SH3D19: variants seen among roughly 807,000 people sequenced by gnomAD.
SH3D19 encodes the protein SH3 domain-containing protein 19.
Under a neutral mutation model 112.1 loss-of-function variants are expected in SH3D19, and 58 were observed. The ratio of observed to expected loss-of-function variants is 0.52; its 90% CI spans 0.42 to 0.64. The LOEUF is 0.64. Ranked by LOEUF, SH3D19 falls within the 30% of genes least tolerant of loss-of-function variation. The pLI is 0.00. For synonymous variants in SH3D19, 391 were observed against 448.5 expected, an observed-to-expected ratio of 0.87 and a Z score of 1.62; for missense variants, 1,090 against 1,263.4, an observed-to-expected ratio of 0.86 and a Z score of 2.08.
At chr4:151,146,551 T>C (rs1753953941) in intron 11 of SH3D19, among the ~76,000 whole-genome samples, 1 of 151,200 alleles carries the variant, frequency 6.6e-6, no homozygotes, top group Non-Finnish European at 1.5e-5. Context: ...TTTTGTTTTT[T>C]TGAGATGGAG....
At chr4:151,225,986 C>T in intron 2 of SH3D19, 61 bp downstream of exon 2, 1 of 1,146,782 alleles carries the variant, frequency 8.7e-7, no homozygotes, top group East Asian at 3.2e-5. Flanking sequence ...ACATTGCTTC[C>T]AAACAATACT....
At chr4:151,279,062 C>A (rs1773922323) in intron 1 of SH3D19, 1 of 396,390 alleles carries the variant, frequency 2.5e-6, no homozygotes, top group Non-Finnish European at 4.8e-6. Context: ...TCAGTATCCA[C>A]CTCTCACTGA....
At chr4:151,272,212 TAAAC>T (rs898895881) in intron 1 of SH3D19, among the ~76,000 whole-genome samples, 12 of 152,202 alleles carry the variant, frequency 7.9e-5, no homozygotes, top group Non-Finnish European at 1.5e-4. Context: ...AATACGGTGA[TAAAC>T]AAGCAATGCA....
At chr4:151,233,829 G>A (rs111837147) in intron 1 of SH3D19, among the ~76,000 whole-genome samples, 5 of 152,278 alleles carry the variant, frequency 3.3e-5, no homozygotes, top group African/African-American at 1.2e-4. Context: ...CTGTTTATAA[G>A]GTTTTGAGCA....
At chr4:151,194,728 T>C (rs1157454028) in intron 2 of SH3D19, among the ~76,000 whole-genome samples, 2 of 88,656 alleles carry the variant, frequency 2.3e-5, no homozygotes, top group Non-Finnish European at 6.8e-5. Context: ...ACTTTTGTCC[T>C]ATTAGCTGAT....
At chr4:151,221,160 T>C (rs1482481190) in intron 2 of SH3D19, among the ~76,000 whole-genome samples, 1 of 152,178 alleles carries the variant, frequency 6.6e-6, no homozygotes, top group African/African-American at 2.4e-5. Context: ...CAGGCAGACG[T>C]CCCAGATTTA....
chr4:151,128,508 G>T, intron 17 of SH3D19, 152 bp from the exon 18 acceptor site: 2 of 504,330 alleles, frequency 4.0e-6, no homozygotes, highest in Middle Eastern at 4.9e-4. Flanking sequence ...ACTTTATGTT[G>T]CTATCAAGTT....
rs750717014 is a variant in SH3D19, at chr4:151,159,293, T to G, written c.1702A>C (p.Thr568Pro). Residue 568 changes from threonine (T) to proline (P), a missense_variant, in exon 9 of 20, where the codon ACT becomes CCT. Transcript: ENST00000604030. ...AGCTTTCCAGATACTGTACTGAAAG[T>G]GTTTCCAATAGGTTTTTCAGCAGGG... ...PLPAEKPIGN[T>P]FSTVSGKLSN... 2 of 1,577,186 alleles carry G rather than the reference T, an allele frequency of 1.3e-6. No individual in the cohort carries two copies. Among genetic ancestry groups the G allele is most frequent in the Non-Finnish European group, 1.7e-6 (2 of 1,168,002 alleles).
In SH3D19 at chr4:151,208,519, C is replaced by T. The variant is rs112421745; in HGVS notation, c.152+17528G>A. 4.6e-3 allele frequency among the ~76,000 whole-genome samples: 707 copies of T among 152,100 alleles called. 3 individuals are homozygous for T. The highest frequency in any genetic ancestry group is 8.1e-3 in the Non-Finnish European group (551 of 67,982). On this transcript the variant is annotated intron_variant, in intron 2 of 19. Coordinates refer to ENST00000604030, the MANE Select transcript of SH3D19 (RefSeq NM_001378122.1). Reference sequence around the variant, plus strand: ...CTAGGTAGCTGGGATTACAGGCATGCGGCACGAAACCTGGCTAGTTTTTTG... The same window carrying T: ...CTAGGTAGCTGGGATTACAGGCATGTGGCACGAAACCTGGCTAGTTTTTTG...
At chr4:151,180,411 C>CTTT (rs367719721) in intron 3 of SH3D19, among the ~76,000 whole-genome samples, 21 of 130,744 alleles carry the variant, frequency 1.6e-4, no homozygotes, top group South Asian at 4.8e-4. Flanking sequence ...ATTTTTTTTT[C>CTTT]TTTTTTTTTT....
At chr4:151,229,135 G>C (rs1030526110) in intron 1 of SH3D19, among the ~76,000 whole-genome samples, 2 of 150,960 alleles carry the variant, frequency 1.3e-5, no homozygotes, top group Non-Finnish European at 2.9e-5. Flanking sequence ...GCCTCCCAAA[G>C]TGTTGGGATT....
chr4:151,133,023 T>C lies in SH3D19; in HGVS notation c.2689+11A>G. The C allele has an allele frequency of 6.2e-7, 1 of 1,610,070 alleles. No individual in the cohort carries two copies. The highest frequency in any genetic ancestry group is 8.5e-7 in the Non-Finnish European group (1 of 1,177,624). On this transcript the variant is annotated intron_variant, in intron 16 of 19. Coordinates refer to ENST00000604030, the MANE Select transcript of SH3D19 (RefSeq NM_001378122.1). ...GGACATAACATAATAAAAAAAATTC[T>C]CTATACTCACTTAAAACATTTGCAC...
At chr4:151,139,295 G>A (rs1244881521) in intron 13 of SH3D19, among the ~76,000 whole-genome samples, 1 of 151,718 alleles carries the variant, frequency 6.6e-6, no homozygotes, top group Non-Finnish European at 1.5e-5. Context: ...CTGGACTACA[G>A]GCGCCCGCCA....
At chr4:151,278,206 T>C (rs969940528) in intron 1 of SH3D19, among the ~76,000 whole-genome samples, 1 of 152,168 alleles carries the variant, frequency 6.6e-6, no homozygotes, top group Non-Finnish European at 1.5e-5. Flanking sequence ...ATTTATAAAC[T>C]AACATACTTC....
chr4:151,134,980 C>CCT, intron 15 of SH3D19, 94 bp downstream of exon 15: 4 of 1,020,556 alleles, frequency 3.9e-6, no homozygotes, highest in Non-Finnish European at 5.9e-6. Flanking sequence ...AGCCACCATG[C>CCT]CTGGCCTTGG....
intron 2 of SH3D19, among the ~76,000 whole-genome samples, chr4:151,207,817 C>A (rs1180675671): frequency 1.3e-5 from 2 of 152,180 alleles, no homozygotes; most frequent in Non-Finnish European, 2.9e-5. Flanking sequence ...TGAGAGAATT[C>A]TTTAGGACAA....
chr4:151,316,599 A>AT (rs964495595), intron 1 of SH3D19, among the ~76,000 whole-genome samples: 13 of 151,392 alleles, frequency 8.6e-5, no homozygotes, highest in Admixed American at 2.0e-4. Context: ...TTCTTAATTC[A>AT]TTTTTTTTCC....
At chr4:151,302,453 A>C (rs1407036372) in intron 1 of SH3D19, among the ~76,000 whole-genome samples, 1 of 152,234 alleles carries the variant, frequency 6.6e-6, no homozygotes, top group Non-Finnish European at 1.5e-5. Context: ...TGATGAAAAA[A>C]ATAGTTGGCC....
intron 1 of SH3D19, among the ~76,000 whole-genome samples, chr4:151,268,419 C>T (rs931593662): frequency 4.1e-4 from 62 of 152,110 alleles, no homozygotes; most frequent in Admixed American, 1.7e-3. Context: ...AAACACTGTA[C>T]GCTTAGGCTA....
Sources: gnomAD v4.1 joint callset for allele counts (sites outside exome capture counted in the v4.1 genomes callset) on GRCh38, gnomAD v4.1.1 for gene constraint, MANE v1.5 for transcripts, NCBI Gene and HGNC (gene_info 2026-07-23, HGNC 2026-07-21) for gene names.